DOCK6: variants seen among roughly 807,000 people sequenced by gnomAD.
The protein encoded by DOCK6 is dedicator of cytokinesis 6.
A neutral mutation model predicts 230.3 loss-of-function variants in DOCK6; 167 were observed. The ratio of observed to expected loss-of-function variants is 0.73; its 90% confidence interval spans 0.64 to 0.82. The LOEUF (loss-of-function observed/expected upper bound fraction) is 0.82, where lower values mean the gene tolerates loss of function less well. Among genes scored for constraint, DOCK6 ranks in the 40% least tolerant of loss-of-function variants. The probability of loss-of-function intolerance (pLI) is 0.00; values close to 1 mark genes in which losing one functional copy is unlikely to be tolerated. For missense variants in DOCK6, 2,598 were observed against 2,825.8 expected, an observed-to-expected ratio of 0.92 and a Z score of 1.83; for synonymous variants, 1,148 against 1,185.0, an observed-to-expected ratio of 0.97 and a Z score of 0.64.
At position 11,202,505 on chromosome 19, in the gene DOCK6, G is replaced by C. The variant is rs771712591; in HGVS notation, c.5362-22C>G. 166 of 1,611,386 alleles carry C rather than the reference G, an allele frequency of 1.0e-4. No homozygotes were observed. Among genetic ancestry groups the C allele is most frequent in the Non-Finnish European group, 1.3e-4 (155 of 1,178,798 alleles). On this transcript the variant is annotated intron_variant, in intron 42 of 47. Coordinates refer to ENST00000294618, the MANE Select transcript of DOCK6 (RefSeq NM_020812.4). This position sits in a 1 kb window ranked among gnomAD's most constrained non-coding sequence, Gnocchi z 5.3. ...ACTCCTGGAGACACAGGGCTGACTC[G>C]GGGCCACCCAGGGACAGCCCCTACT...
intron 14 of DOCK6, 49 bp from the exon 15 acceptor site, chr19:11,238,353 G>A (rs976296897): frequency 2.0e-6 from 3 of 1,513,912 alleles, no homozygotes; most frequent in South Asian, 1.2e-5. Flanking sequence ...CCCTGAAGGT[G>A]CACATACAAG....
chr19:11,224,214 CTTT>C (rs1555691471), intron 24 of DOCK6, among the ~76,000 whole-genome samples: 1 of 142,102 alleles, frequency 7.0e-6, no homozygotes, highest in Non-Finnish European at 1.5e-5. Context: ...TTCTTTCTTT[CTTT>C]TTTTTTTTTT....
At chr19:11,216,102 T>C (rs901387500) in intron 30 of DOCK6, 175 bp from the exon 31 acceptor site, 2 of 650,150 alleles carry the variant, frequency 3.1e-6, no homozygotes, top group East Asian at 3.3e-5. Flanking sequence ...TTTTTTTTTT[T>C]CTTGAAACAG....
chr19:11,215,540 G>T (rs1281721049), intron 31 of DOCK6, 69 bp from the exon 32 acceptor site: 1 of 1,472,012 alleles, frequency 6.8e-7, no homozygotes, highest in Non-Finnish European at 9.4e-7. Context: ...CAGGAGAAAT[G>T]CACAGGCATG....
chr19:11,211,911 C>G, intron 36 of DOCK6, 35 bp from the exon 37 acceptor site: 1 of 1,448,826 alleles, frequency 6.9e-7, no homozygotes, highest in Non-Finnish European at 9.3e-7. Flanking sequence ...CCAATGAGAG[C>G]ATTAGGAAGT....
At chr19:11,224,049 G>A (rs982263798) in intron 24 of DOCK6, among the ~76,000 whole-genome samples, 19 of 151,906 alleles carry the variant, frequency 1.3e-4, no homozygotes, top group Admixed American at 2.0e-4. Context: ...TCAATCCAGT[G>A]TGTGTGTGTG....
chr19:11,243,384 C>T lies in DOCK6; in HGVS notation c.1260G>A (p.Glu420=), dbSNP rs767110403. 2 of 1,601,674 alleles carry T rather than the reference C, an allele frequency of 1.2e-6. No individual in the cohort carries two copies. Among genetic ancestry groups the T allele is most frequent in the Non-Finnish European group, 1.7e-6 (2 of 1,174,794 alleles). The change falls in exon 12 of 48, where the codon GAG becomes GAA. Residue 420 remains glutamate (E), a splice_region_variant and synonymous_variant. Transcript: ENST00000294618. This position sits in a 1 kb window ranked among gnomAD's most constrained non-coding sequence, Gnocchi z 6.3. ...GGCGGTCTGTCCAGGCTGGCCGGCG[C>T]TCTAGGGGAGGGAATGACAATGACA... ...QLDRDSDSEG[E]RRPAWTDRRR...
intron 9 of DOCK6, among the ~76,000 whole-genome samples, chr19:11,244,451 CTTTTTTT>C (rs56722117): frequency 2.2e-4 from 9 of 40,258 alleles, no homozygotes; most frequent in Admixed American, 3.7e-4. Context: ...CCACACCTGG[CTTTTTTT>C]TTTTTTTTTT....
At position 11,200,829 on chromosome 19, in the gene DOCK6, G is replaced by A. The variant is rs575481723; in HGVS notation, c.5833-7C>T. 6.2e-7 allele frequency: 1 copy of A among 1,612,806 alleles called. No individual in the cohort carries two copies. Among genetic ancestry groups the A allele is most frequent in the South Asian group, 1.1e-5 (1 of 91,062 alleles). On this transcript the variant is annotated splice_polypyrimidine_tract_variant and splice_region_variant and intron_variant, in intron 45 of 47. Transcript: ENST00000294618. The surrounding 1 kb of genome is among the most constrained non-coding windows in gnomAD (Gnocchi z 4.3). ...GGGCCACCTCCAGGGGACCCTGTGGGGTGAGAGGGACTGGTGAGCCAGCCT... is the reference window on the plus strand; with the variant it reads ...GGGCCACCTCCAGGGGACCCTGTGGAGTGAGAGGGACTGGTGAGCCAGCCT...
rs963995227 is a variant in DOCK6 at position 11,243,451 on chromosome 19, C to T, written c.1259-66G>A. 4 of 1,562,046 alleles carry T rather than the reference C, an allele frequency of 2.6e-6. No individual in the cohort carries two copies. Among genetic ancestry groups the T allele is most frequent in the Non-Finnish European group, 3.5e-6 (4 of 1,155,868 alleles). On this transcript the variant is annotated intron_variant, in intron 11 of 47. Coordinates refer to ENST00000294618, the MANE Select transcript of DOCK6 (RefSeq NM_020812.4). This position sits in a 1 kb window ranked among gnomAD's most constrained non-coding sequence, Gnocchi z 6.3. ...GAAACAGGGAGACTCAGGGGCGGCA[C>T]AGTTCGGCCAGCAGAGGGCGCACCC...
intron 9 of DOCK6, among the ~76,000 whole-genome samples, chr19:11,244,162 T>TTATGTATGTATGTATGTATGTATG (rs545302357): frequency 1.3e-5 from 2 of 152,072 alleles, no homozygotes; most frequent in African/African-American, 4.8e-5. Context: ...TTATTTACAT[T>TTATGTATGTATGTATGTATGTATG]TATGTATGTA....
At chr19:11,228,878 TA>T (rs1488362804) in intron 23 of DOCK6, 61 bp downstream of exon 23, 6 of 1,558,322 alleles carry the variant, frequency 3.9e-6, no homozygotes, top group Non-Finnish European at 5.3e-6. Flanking sequence ...CTTCTCTCTT[TA>T]AAAAAGGAAG....
chr19:11,200,298 G>A lies in DOCK6; in HGVS notation c.6101+10C>T, dbSNP rs1031583496. On this transcript the variant is annotated intron_variant, in intron 47 of 47. Transcript: ENST00000294618. The surrounding 1 kb of genome is among the most constrained non-coding windows in gnomAD (Gnocchi z 4.3). The stretch of plus-strand genomic sequence containing the variant: ...TCTAGTCTCTAGGATGGGGGCACTA[G>A]GTCAGGCACCTGAGGCCGGGTGGGG... The A allele has an allele frequency of 9.6e-6, 15 of 1,557,374 alleles. No homozygotes were observed. The highest frequency in any genetic ancestry group is 1.2e-5 in the Non-Finnish European group (14 of 1,150,724).
intron 38 of DOCK6, 31 bp from the exon 39 acceptor site, chr19:11,208,860 G>T (rs751370789): frequency 1.2e-6 from 2 of 1,605,194 alleles, no homozygotes; most frequent in South Asian, 2.2e-5. Flanking sequence ...TCAGACCCTG[G>T]TCCCCACTGC....
intron 41 of DOCK6, chr19:11,203,239 C>T (rs1330895757): frequency 5.8e-6 from 1 of 172,538 alleles, no homozygotes; most frequent in East Asian, 1.5e-4. Context: ...AAAACACCAC[C>T]CCATGACTGG....
rs754573745 is a variant in DOCK6 at position 11,233,378 on chromosome 19, G to A, written c.2555-12C>T. ...CACTGGAGGGGCCCCTGAGGATGGA[G>A]TGAATAGGGTCAACCACCCACCCAC... On this transcript the variant is annotated splice_polypyrimidine_tract_variant and intron_variant, in intron 21 of 47. Transcript: ENST00000294618. 10 of 1,608,880 alleles carry A rather than the reference G, an allele frequency of 6.2e-6. No individual in the cohort carries two copies. Among genetic ancestry groups the A allele is most frequent in the Non-Finnish European group, 7.7e-6 (9 of 1,175,838 alleles).
rs2080023870 is a variant in DOCK6, at chr19:11,245,829, C to T, written c.856G>A (p.Val286Met). 2 of 1,573,490 alleles carry T rather than the reference C, an allele frequency of 1.3e-6. No homozygotes were observed. The highest frequency in any genetic ancestry group is 1.3e-5 in the African/African-American group (1 of 74,078). The part of the protein sequence containing the change: ...PIFGILALYD[V>M]REKKKISENF... ...CCTCCTACCTTCTTTTTCTCCCGCA[C>T]ATCATACAGAGCCAAGATCCCAAAG... Residue 286 changes from valine (V) to methionine (M), a missense_variant, in exon 8 of 48, where the codon GTG becomes ATG. By Grantham distance (21) the Val-to-Met change is conservative. Coordinates refer to ENST00000294618, the MANE Select transcript of DOCK6 (RefSeq NM_020812.4).
intron 1 of DOCK6, 94 bp downstream of exon 1, chr19:11,262,303 G>C (rs1361206356): frequency 4.0e-5 from 31 of 781,066 alleles, no homozygotes; most frequent in Non-Finnish European, 9.6e-6. Flanking sequence ...GAAAGGGGTT[G>C]AATTGGGGGC....
chr19:11,223,215 A>C, intron 24 of DOCK6, 109 bp from the exon 25 acceptor site: 2 of 983,810 alleles, frequency 2.0e-6, no homozygotes, highest in Non-Finnish European at 3.0e-6. Flanking sequence ...CACTGCCCCA[A>C]AGCCTTTGTC....
Sources: gnomAD v4.1 joint callset for allele counts (sites outside exome capture counted in the v4.1 genomes callset) on GRCh38, gnomAD v4.1.1 for gene constraint, Gnocchi (gnomAD v3.1) non-coding constraint, MANE v1.5 for transcripts, NCBI Gene and HGNC (gene_info 2026-07-23, HGNC 2026-07-21) for gene names.